Variants in CCDC73 observed in about 807,000 individuals in gnomAD.
CCDC73 encodes coiled-coil domain containing 73.
Under a neutral mutation model 116.5 loss-of-function variants are expected in CCDC73, and 95 were observed. That is an observed-to-expected ratio of 0.82 (90% CI 0.69 to 0.97). The LOEUF (loss-of-function observed/expected upper bound fraction) is 0.97. Among genes scored for constraint, CCDC73 ranks in the 50% least tolerant of loss-of-function variants. The probability of loss-of-function intolerance (pLI) is 0.00; values close to 1 mark genes in which losing one functional copy is unlikely to be tolerated. For missense variants in CCDC73, 1,066 were observed against 1,206.8 expected (o/e 0.88, Z 1.73); for synonymous variants, 398 against 401.3 (o/e 0.99, Z 0.10).
At chr11:32,605,925 A>G (rs1180417791) in intron 17 of CCDC73, 1 of 152,086 alleles carries the variant, frequency 6.6e-6, no homozygotes, top group Non-Finnish European at 1.5e-5. Flanking sequence ...TGGCCTAAAA[A>G]TTTCCCCTAG....
At chr11:32,778,464 T>C (rs189341412) in intron 1 of CCDC73, among the ~76,000 whole-genome samples, 1 of 152,332 alleles carries the variant, frequency 6.6e-6, no homozygotes, top group Admixed American at 6.5e-5. Context: ...CACTGTAATC[T>C]GGCCTTAACA....
intron 17 of CCDC73, among the ~76,000 whole-genome samples, chr11:32,609,802 T>C (rs1855396671): frequency 6.6e-6 from 1 of 152,044 alleles, no homozygotes; most frequent in African/African-American, 2.4e-5. Context: ...TTTTTTGAGA[T>C]GGAGTCTCGC....
intron 2 of CCDC73, among the ~76,000 whole-genome samples, chr11:32,755,360 CCT>C (rs1850323334): frequency 6.9e-6 from 1 of 145,768 alleles, no homozygotes; most frequent in Non-Finnish European, 1.5e-5. Context: ...ATGGTGAAAC[CCT>C]GTCTCTACCA....
chr11:32,658,495 G>C lies in CCDC73; in HGVS notation c.646-3523C>G, dbSNP rs1003159213. 2.0e-5 allele frequency among the ~76,000 whole-genome samples: 3 copies of C among 152,188 alleles called. No homozygotes were observed. In the South Asian group the frequency reaches 6.2e-4, roughly 32 times the overall value. ...ACAAACAATATTGAACATGTAGAAT[G>C]GACCAGATCATGAAAGCTCTGGAAA... On this transcript the variant is annotated intron_variant, in intron 9 of 17. Coordinates refer to ENST00000335185, the MANE Select transcript of CCDC73 (RefSeq NM_001008391.4).
At position 32,731,461 on chromosome 11, in the gene CCDC73, C is replaced by T. The variant is rs145882744; in HGVS notation, c.136-13314G>A. 2.1e-3 allele frequency among the ~76,000 whole-genome samples: 326 copies of T among 152,328 alleles called. 2 individuals are homozygous for T. The highest frequency in any genetic ancestry group is 0.01 in the South Asian group (49 of 4,826). ...AGCACGGAGTTTGAGAATGGACAGA[C>T]TGCATCAAGTGGGTCCCTGACTCCC... On this transcript the variant is annotated intron_variant, in intron 2 of 17. Coordinates refer to ENST00000335185, the MANE Select transcript of CCDC73 (RefSeq NM_001008391.4).
chr11:32,660,689 T>C (rs910465315), intron 9 of CCDC73, among the ~76,000 whole-genome samples: 3 of 151,626 alleles, frequency 2.0e-5, no homozygotes, highest in Non-Finnish European at 2.9e-5. Flanking sequence ...TCAGGCATAG[T>C]GGCATGCCTC....
chr11:32,677,366 T>G (rs996949359), intron 7 of CCDC73, among the ~76,000 whole-genome samples: 2 of 152,180 alleles, frequency 1.3e-5, no homozygotes, highest in African/African-American at 4.8e-5. Flanking sequence ...GGTCCTATTC[T>G]TCCCTAATTA....
intron 1 of CCDC73, among the ~76,000 whole-genome samples, chr11:32,778,074 CTTAATA>C (rs1850552584): frequency 1.3e-5 from 2 of 152,122 alleles, no homozygotes. Context: ...TACGTATCTG[CTTAATA>C]ATAAAAACAT....
upstream of CCDC73, among the ~76,000 whole-genome samples, chr11:32,795,217 C>T (rs2133412325): frequency 6.6e-6 from 1 of 152,098 alleles, no homozygotes; most frequent in Admixed American, 6.5e-5. Flanking sequence ...GCCTGTAACC[C>T]CAACAATTTG....
At chr11:32,619,011 AC>A (rs748674328) in intron 14 of CCDC73, among the ~76,000 whole-genome samples, 98 of 152,142 alleles carry the variant, frequency 6.4e-4, no homozygotes, top group Middle Eastern at 6.8e-3. Context: ...TCTTTTGTCC[AC>A]TTTTTAAATA....
At chr11:32,663,438 C>G (rs1181184668) in intron 9 of CCDC73, among the ~76,000 whole-genome samples, 4 of 152,134 alleles carry the variant, frequency 2.6e-5, no homozygotes, top group East Asian at 1.9e-4. Flanking sequence ...TATTCTCTTG[C>G]AAGCAATTGT....
chr11:32,791,143 AT>A (rs766176404), intron 1 of CCDC73, among the ~76,000 whole-genome samples: 1 of 152,228 alleles, frequency 6.6e-6, no homozygotes, highest in Non-Finnish European at 1.5e-5. Context: ...GAAAATTTCC[AT>A]GGGTCATCAG....
At chr11:32,810,530 T>C in the CCDC73 span, among the ~76,000 whole-genome samples, 1 of 152,212 alleles carries the variant, frequency 6.6e-6, no homozygotes, top group Non-Finnish European at 1.5e-5. Context: ...CTCTTTCTAA[T>C]TCAGCACGCC....
intron 15 of CCDC73, 48 bp from the exon 16 acceptor site, chr11:32,614,990 T>A (rs1855461922): frequency 8.9e-7 from 1 of 1,121,750 alleles, no homozygotes; most frequent in African/African-American, 1.6e-5. Context: ...CACTAAAGGC[T>A]GATTTCATAA....
chr11:32,665,335 G>A (rs1388536075), intron 9 of CCDC73, among the ~76,000 whole-genome samples: 5 of 152,002 alleles, frequency 3.3e-5, no homozygotes, highest in African/African-American at 4.8e-5. Flanking sequence ...TATGAATCTG[G>A]GTGCTCCTGT....
chr11:32,635,928 A>G (rs950578336), intron 13 of CCDC73, 98 bp from the exon 14 acceptor site: 5 of 751,948 alleles, frequency 6.6e-6, no homozygotes, highest in African/African-American at 2.1e-5. Flanking sequence ...GGAAATAGTC[A>G]AAGAATCAAA....
chr11:32,616,193 A>T, intron 14 of CCDC73, 64 bp from the exon 15 acceptor site: 1 of 1,411,916 alleles, frequency 7.1e-7, no homozygotes, highest in Non-Finnish European at 9.5e-7. Context: ...ATTTGAGCAA[A>T]TGTGATAAAT....
chr11:32,649,524 G>A (rs769703186), intron 12 of CCDC73, among the ~76,000 whole-genome samples: 1 of 152,178 alleles, frequency 6.6e-6, no homozygotes, highest in Non-Finnish European at 1.5e-5. Flanking sequence ...ATTATCAAGA[G>A]TAATGATCCC....
At chr11:32,633,519 C>T (rs1425403985) in intron 14 of CCDC73, among the ~76,000 whole-genome samples, 1 of 152,060 alleles carries the variant, frequency 6.6e-6, no homozygotes, top group African/African-American at 2.4e-5. Flanking sequence ...ATACACATGA[C>T]TAAGATGTAT....
Sources: gnomAD v4.1 joint callset for allele counts (sites outside exome capture counted in the v4.1 genomes callset) on GRCh38, gnomAD v4.1.1 for gene constraint, MANE v1.5 for transcripts, NCBI Gene and HGNC (gene_info 2026-07-23, HGNC 2026-07-21) for gene names.